PHACTR3: variants seen among roughly 807,000 people sequenced by gnomAD.
The protein encoded by PHACTR3 is protein phosphatase 1, regulatory subunit 123.
Under a neutral mutation model 66.8 loss-of-function variants are expected in PHACTR3, and 16 were observed. The ratio of observed to expected loss-of-function variants is 0.24; its 90% CI spans 0.16 to 0.36. PHACTR3 has a LOEUF of 0.36. PHACTR3 is among the 10% of genes least tolerant of loss of function. PHACTR3 has a pLI of 1.00. For synonymous variants in PHACTR3, 323 were observed against 292.1 expected, an observed-to-expected ratio of 1.11 and a Z score of -1.08; for missense variants, 647 against 719.9, an observed-to-expected ratio of 0.90 and a Z score of 1.16.
intron 1 of PHACTR3, among the ~76,000 whole-genome samples, chr20:59,640,082 A>G (rs6064822): frequency 0.72 from 109,407 of 152,098 alleles, 39,502 homozygotes; most frequent in East Asian, 0.91. Flanking sequence ...AGAGCATAGC[A>G]GATGGGTTGA....
At position 59,604,599 on chromosome 20, in the gene PHACTR3, G is replaced by A; in HGVS notation, c.-416G>A. 3.7e-6 allele frequency: 1 copy of A among 272,950 alleles called. No homozygotes were observed. The highest frequency in any genetic ancestry group is 5.5e-6 in the Non-Finnish European group (1 of 181,204). 16.9% of individuals were successfully genotyped at this position (272,950 alleles called of 1,614,324 possible). On this transcript the variant is annotated 5_prime_UTR_variant, in exon 1 of 13. Coordinates refer to ENST00000371015, the MANE Select transcript of PHACTR3 (RefSeq NM_080672.5). Reference sequence around the variant, plus strand: ...TTTTCCCTTTTTTCCTGGGGGGGTGGGGGGTGGGGTGGGGGGAGGGAGCGC... The same window carrying A: ...TTTTCCCTTTTTTCCTGGGGGGGTGAGGGGTGGGGTGGGGGGAGGGAGCGC...
chr20:59,774,216 A>G, intron 6 of PHACTR3, 27 bp from the exon 7 acceptor site: 2 of 1,552,390 alleles, frequency 1.3e-6, no homozygotes, highest in Non-Finnish European at 1.7e-6. Context: ...GGGGTGACCT[A>G]TAACCTGAAC....
At chr20:59,633,613 C>T (rs2034747751) in intron 1 of PHACTR3, among the ~76,000 whole-genome samples, 1 of 152,148 alleles carries the variant, frequency 6.6e-6, no homozygotes, top group African/African-American at 2.4e-5. Context: ...ATGTATCCCG[C>T]TTTTCTTTTG....
intron 1 of PHACTR3, among the ~76,000 whole-genome samples, chr20:59,584,494 G>A (rs1461248247): frequency 6.6e-6 from 1 of 152,092 alleles, no homozygotes; most frequent in Non-Finnish European, 1.5e-5. Flanking sequence ...ATGAGCAAGT[G>A]TGTGCATGAA....
intron 1 of PHACTR3, among the ~76,000 whole-genome samples, chr20:59,596,542 T>C (rs1293932719): frequency 6.6e-6 from 1 of 152,244 alleles, no homozygotes; most frequent in East Asian, 1.9e-4. Context: ...AATTTCACTG[T>C]TGTATGGTAT....
intron 1 of PHACTR3, among the ~76,000 whole-genome samples, chr20:59,675,723 C>A (rs566398372): frequency 5.9e-5 from 9 of 152,094 alleles, no homozygotes; most frequent in African/African-American, 1.9e-4. Flanking sequence ...GTCAGGGATG[C>A]GGCTAAACCT....
intron 1 of PHACTR3, among the ~76,000 whole-genome samples, chr20:59,711,974 A>G (rs919464395): frequency 6.6e-5 from 10 of 152,152 alleles, no homozygotes; most frequent in Admixed American, 5.9e-4. Context: ...AGGTCTTTAT[A>G]TATTAAGGAC....
At chr20:59,745,874 T>A (rs1017315301) in intron 2 of PHACTR3, among the ~76,000 whole-genome samples, 3 of 152,144 alleles carry the variant, frequency 2.0e-5, no homozygotes, top group African/African-American at 7.2e-5. Flanking sequence ...CGCAGCTGCA[T>A]CTTTGGGTCA....
intron 8 of PHACTR3, among the ~76,000 whole-genome samples, chr20:59,811,379 C>T (rs1423517181): frequency 6.6e-6 from 1 of 152,200 alleles, no homozygotes; most frequent in African/African-American, 2.4e-5. Flanking sequence ...AGAATGTTGG[C>T]CGGGTCCGGT....
chr20:59,780,468 T>C (rs116999592), intron 7 of PHACTR3, among the ~76,000 whole-genome samples: 6,175 of 152,308 alleles, frequency 0.041, 217 homozygotes, highest in Non-Finnish European at 0.063. Context: ...GTGCCTTCTA[T>C]GTGTCCTCAC....
chr20:59,739,760 C>T (rs1484891308), intron 1 of PHACTR3, among the ~76,000 whole-genome samples: 1 of 151,948 alleles, frequency 6.6e-6, no homozygotes, highest in African/African-American at 2.4e-5. Context: ...TTAGTAATGC[C>T]TGGAGAGAAT....
intron 1 of PHACTR3, among the ~76,000 whole-genome samples, chr20:59,686,656 GTGGTGA>G (rs200499012): frequency 1.3e-5 from 2 of 148,936 alleles, no homozygotes; most frequent in African/African-American, 2.5e-5. Flanking sequence ...GATGATGATG[GTGGTGA>G]TGATGATGGT....
chr20:59,752,407 G>A (rs958213419), intron 3 of PHACTR3, among the ~76,000 whole-genome samples: 5 of 152,300 alleles, frequency 3.3e-5, no homozygotes, highest in South Asian at 2.1e-4. Flanking sequence ...GCCTTCCAGC[G>A]AGAGGAGCAG....
chr20:59,583,839 T>C (rs2032935084), intron 1 of PHACTR3, among the ~76,000 whole-genome samples: 1 of 152,200 alleles, frequency 6.6e-6, no homozygotes, highest in Non-Finnish European at 1.5e-5. Context: ...CCTTGTGGCC[T>C]AGATGACCTG....
At chr20:59,702,477 A>G (rs943298260) in intron 1 of PHACTR3, among the ~76,000 whole-genome samples, 4 of 152,090 alleles carry the variant, frequency 2.6e-5, no homozygotes, top group Admixed American at 6.5e-5. Flanking sequence ...TGACCCCCTT[A>G]CTGAAAGGGT....
intron 2 of PHACTR3, among the ~76,000 whole-genome samples, chr20:59,744,917 C>T (rs567093962): frequency 6.6e-6 from 1 of 152,320 alleles, no homozygotes; most frequent in African/African-American, 2.4e-5. Context: ...GCAAGGCAGC[C>T]TCCCTCACTG....
At position 59,830,675 on chromosome 20, in the gene PHACTR3, A is replaced by C. The variant is rs751287529; in HGVS notation, c.1329-5830A>C. On this transcript the variant is annotated intron_variant, in intron 8 of 12. Transcript: ENST00000371015. The surrounding 1 kb of genome is among the most constrained non-coding windows in gnomAD (Gnocchi z 5.8). ...GAATAATATCAGTGCTATAGTAGTA[A>C]TGATGCCACCTATTTGTGTGTCAAC... 4.6e-5 allele frequency among the ~76,000 whole-genome samples: 7 copies of C among 152,158 alleles called. No homozygotes were observed. Among genetic ancestry groups the C allele is most frequent in the Non-Finnish European group, 8.8e-5 (6 of 68,032 alleles).
Position 59,733,608 on chromosome 20 carries a change from C to T in PHACTR3, c.119-9499C>T, listed in dbSNP as rs979025206. On this transcript the variant is annotated intron_variant, in intron 1 of 12. Coordinates refer to ENST00000371015, the MANE Select transcript of PHACTR3 (RefSeq NM_080672.5). Reference sequence around the variant, plus strand: ...ATCTAGCACAGGACTGGGAGAGGGGCGGAGTTGTCAAAGAGGCTGTGGGGT... The same window carrying T: ...ATCTAGCACAGGACTGGGAGAGGGGTGGAGTTGTCAAAGAGGCTGTGGGGT... 1.1e-4 allele frequency among the ~76,000 whole-genome samples: 16 copies of T among 152,252 alleles called. 1 individual carries two copies. Among genetic ancestry groups the T allele is most frequent in the Non-Finnish European group, 1.3e-4 (9 of 68,008 alleles).
At chr20:59,636,456 G>A (rs942957932) in intron 1 of PHACTR3, among the ~76,000 whole-genome samples, 1 of 152,170 alleles carries the variant, frequency 6.6e-6, no homozygotes, top group African/African-American at 2.4e-5. Flanking sequence ...GACATAGTCT[G>A]GATTTGAACA....
Sources: gnomAD v4.1 joint callset for allele counts (sites outside exome capture counted in the v4.1 genomes callset) on GRCh38, gnomAD v4.1.1 for gene constraint, Gnocchi (gnomAD v3.1) non-coding constraint, MANE v1.5 for transcripts, NCBI Gene and HGNC (gene_info 2026-07-23, HGNC 2026-07-21) for gene names.